Variants in GPLD1 observed in about 807,000 individuals in gnomAD.
The protein encoded by GPLD1 is glycosylphosphatidylinositol specific phospholipase D1.
A neutral mutation model predicts 112.6 loss-of-function variants in GPLD1; 84 were observed. The observed-to-expected ratio is 0.75, with a 90% confidence interval of 0.63 to 0.89. The LOEUF (loss-of-function observed/expected upper bound fraction) is 0.89, where lower values mean the gene tolerates loss of function less well. Ranked by LOEUF, GPLD1 falls within the 40% of genes least tolerant of loss-of-function variation. GPLD1 has a pLI of 0.00. For synonymous variants in GPLD1, 386 were observed against 403.8 expected (o/e 0.96, Z 0.53); for missense variants, 1,044 against 1,051.5 (o/e 0.99, Z 0.10).
intron 24 of GPLD1, among the ~76,000 whole-genome samples, chr6:24,429,794 C>T (rs142713271): frequency 2.0e-5 from 3 of 152,096 alleles, no homozygotes; most frequent in African/African-American, 4.8e-5. Flanking sequence ...GTGATCCACC[C>T]GCCTCGGCTT....
intron 21 of GPLD1, 143 bp from the exon 22 acceptor site, chr6:24,436,879 G>A: frequency 2.3e-6 from 2 of 870,046 alleles, no homozygotes; most frequent in South Asian, 3.6e-5. Flanking sequence ...TCCTGGCAAA[G>A]GCTTTTGTTT....
At chr6:24,481,343 CTTT>C (rs57649807) in intron 2 of GPLD1, among the ~76,000 whole-genome samples, 6 of 143,972 alleles carry the variant, frequency 4.2e-5, no homozygotes, top group East Asian at 2.0e-4. Context: ...ATATCCCGCC[CTTT>C]TTTTTTTTTT....
At chr6:24,451,400 T>C (rs1763081763) in intron 14 of GPLD1, among the ~76,000 whole-genome samples, 1 of 152,102 alleles carries the variant, frequency 6.6e-6, no homozygotes, top group African/African-American at 2.4e-5. Flanking sequence ...TAGAGTGCAA[T>C]AGTGCTTGGC....
chr6:24,459,256 T>G (rs1487055449), intron 12 of GPLD1, among the ~76,000 whole-genome samples: 1 of 151,806 alleles, frequency 6.6e-6, no homozygotes, highest in Non-Finnish European at 1.5e-5. Flanking sequence ...GCTATTTTTT[T>G]TTTGTTTTGT....
intron 5 of GPLD1, 52 bp from the exon 6 acceptor site, chr6:24,473,719 T>A: frequency 8.1e-7 from 1 of 1,241,526 alleles, no homozygotes; most frequent in East Asian, 2.4e-5. Flanking sequence ...TAGCCCCAAC[T>A]CTTACTTCCA....
chr6:24,488,857 T>G (rs1411145311), intron 1 of GPLD1, among the ~76,000 whole-genome samples: 1 of 152,168 alleles, frequency 6.6e-6, no homozygotes, highest in Non-Finnish European at 1.5e-5. Flanking sequence ...TGCTGTACCC[T>G]TCTGCTCTCC....
At chr6:24,452,516 C>T (rs1262178678) in intron 14 of GPLD1, among the ~76,000 whole-genome samples, 1 of 152,108 alleles carries the variant, frequency 6.6e-6, no homozygotes, top group African/African-American at 2.4e-5. Flanking sequence ...TGGCTCACAC[C>T]TACAATCCCG....
intron 11 of GPLD1, among the ~76,000 whole-genome samples, chr6:24,460,738 G>A (rs1033756086): frequency 2.6e-5 from 3 of 115,530 alleles, no homozygotes; most frequent in Non-Finnish European, 5.4e-5. Context: ...CAAGCATACT[G>A]ATTTTTTTTT....
At chr6:24,476,805 C>T (rs897692364) in intron 3 of GPLD1, among the ~76,000 whole-genome samples, 5 of 152,078 alleles carry the variant, frequency 3.3e-5, no homozygotes, top group Admixed American at 1.3e-4. Context: ...TTTGAGTGGG[C>T]CAGTGCGTGT....
chr6:24,437,149 C>T lies in GPLD1; in HGVS notation c.2161G>A (p.Val721Ile), dbSNP rs748536679. Residue 721 changes from valine (V) to isoleucine (I), a missense_variant, in exon 21 of 25, where the codon GTT becomes ATT. Val to Ile is a conservative substitution (Grantham distance 29). Transcript: ENST00000230036. ...TCATCCAGGTCACTCAAGTGCAGAA[C>T]GCCACCAAATCGGGAGAAGCGGCGG... The part of the protein sequence containing the change: ...GDRRFSRFGG[V>I]LHLSDLDDDG... 23 of 1,614,106 alleles carry T rather than the reference C, an allele frequency of 1.4e-5. No homozygotes were observed. The Admixed American group carries it at 1.5e-4, about 11-fold the overall frequency.
intron 5 of GPLD1, among the ~76,000 whole-genome samples, chr6:24,474,154 C>G (rs560810918): frequency 7.6e-6 from 1 of 131,692 alleles, no homozygotes; most frequent in African/African-American, 3.0e-5. Flanking sequence ...AAAACAACAA[C>G]AAAAAAAACC....
At chr6:24,456,041 A>C (rs1005227925) in intron 13 of GPLD1, among the ~76,000 whole-genome samples, 2 of 152,160 alleles carry the variant, frequency 1.3e-5, no homozygotes, top group African/African-American at 4.8e-5. Flanking sequence ...TTAATCAAAT[A>C]AATTAATGCT....
chr6:24,495,154 G>C (rs566972161), exon 1 of GPLD1: 1 of 1,434,032 alleles, frequency 7.0e-7, no homozygotes, highest in African/African-American at 1.5e-5. Context: ...CGCCTGGCGG[G>C]CCTCTCTGCG....
intron 14 of GPLD1, among the ~76,000 whole-genome samples, chr6:24,452,042 C>T (rs1763107978): frequency 6.6e-6 from 1 of 152,200 alleles, no homozygotes; most frequent in South Asian, 2.1e-4. Flanking sequence ...CACAGAGATG[C>T]TCACTGCAGT....
chr6:24,460,339 A>G lies in GPLD1; in HGVS notation c.948T>C (p.Val316=). The G allele has an allele frequency of 6.2e-7, 1 of 1,613,168 alleles. No individual in the cohort carries two copies. The highest frequency in any genetic ancestry group is 8.5e-7 in the Non-Finnish European group (1 of 1,179,088). ...RNLTTSLTES[V]DRNINYTERG... is the part of the protein sequence containing the mutation. ...TTTCAGTATAGTTTATATTCCTGTCAACACTTTCAGTTAGGGATGTAGTCA... is the reference window on the plus strand; with the variant it reads ...TTTCAGTATAGTTTATATTCCTGTCGACACTTTCAGTTAGGGATGTAGTCA... The change falls in exon 12 of 25, where the codon GTT becomes GTC. Residue 316 remains valine, a synonymous_variant. Transcript: ENST00000230036.
chr6:24,492,089 C>T, upstream of GPLD1, among the ~76,000 whole-genome samples: 1 of 152,136 alleles, frequency 6.6e-6, no homozygotes, highest in East Asian at 1.9e-4. Flanking sequence ...CCATTTAGAA[C>T]TCTTCTGGAA....
intron 2 of GPLD1, among the ~76,000 whole-genome samples, chr6:24,481,632 T>A (rs916338045): frequency 6.6e-6 from 1 of 152,032 alleles, no homozygotes; most frequent in Admixed American, 6.6e-5. Context: ...CAAAGCTAGT[T>A]CCGTTCACAC....
intron 5 of GPLD1, among the ~76,000 whole-genome samples, chr6:24,474,429 A>G (rs1268995966): frequency 1.3e-5 from 2 of 152,190 alleles, no homozygotes; most frequent in African/African-American, 4.8e-5. Context: ...GAAAGTTAAA[A>G]AGAGAGAGAA....
At position 24,436,644 on chromosome 6, in the gene GPLD1, T is replaced by C. The variant is rs1396757014; in HGVS notation, c.2290A>G (p.Lys764Glu). Residue 764 changes from lysine to glutamate, a missense_variant, in exon 22 of 25, where the codon AAA becomes GAA. Transcript: ENST00000230036. ...GTCATGTCACCAAGGGTGGTCTCTT[T>C]GCCATTATATACATATACTCGGCCG... ...EDGRVYVYNG[K>E]ETTLGDMTGK... 1 of 1,614,136 alleles carries C rather than the reference T, an allele frequency of 6.2e-7. No individual in the cohort carries two copies. Among genetic ancestry groups the C allele is most frequent in the Non-Finnish European group, 8.5e-7 (1 of 1,179,980 alleles).
Sources: gnomAD v4.1 joint callset for allele counts (sites outside exome capture counted in the v4.1 genomes callset) on GRCh38, gnomAD v4.1.1 for gene constraint, MANE v1.5 for transcripts, NCBI Gene and HGNC (gene_info 2026-07-23, HGNC 2026-07-21) for gene names.